The following LUZP2 variants were observed in gnomAD, a reference collection of about 807,000 sequenced individuals.
LUZP2 encodes the protein leucine zipper protein 2.
Under a neutral mutation model 51.6 loss-of-function variants are expected in LUZP2, and 52 were observed. The observed-to-expected ratio is 1.01, with a 90% confidence interval of 0.81 to 1.27. The LOEUF (loss-of-function observed/expected upper bound fraction) is 1.27, where lower values mean the gene tolerates loss of function less well. Ranked by LOEUF, LUZP2 falls within the 50% of genes most tolerant of loss-of-function variation. LUZP2 has a pLI of 0.00. For synonymous variants in LUZP2, 154 were observed against 137.3 expected (o/e 1.12, Z -0.85); for missense variants, 436 against 395.4 (o/e 1.10, Z -0.87).
chr11:24,724,892 T>C (rs1214582089), intron 1 of LUZP2, among the ~76,000 whole-genome samples: 1 of 152,094 alleles, frequency 6.6e-6, no homozygotes, highest in African/African-American at 2.4e-5. Flanking sequence ...GACAATTAAA[T>C]GGAGAAACCC....
intron 1 of LUZP2, among the ~76,000 whole-genome samples, chr11:24,692,448 T>C (rs774321747): frequency 6.6e-6 from 1 of 152,090 alleles, no homozygotes; most frequent in Non-Finnish European, 1.5e-5. Flanking sequence ...GTTAAGCTTT[T>C]CAAACCCAAG....
chr11:24,566,628 A>G (rs1852233212), intron 1 of LUZP2, among the ~76,000 whole-genome samples: 1 of 115,980 alleles, frequency 8.6e-6, no homozygotes, highest in African/African-American at 3.8e-5. Context: ...AGATATACAC[A>G]CACACACACA....
intron 9 of LUZP2, among the ~76,000 whole-genome samples, chr11:25,029,281 T>A (rs768415638): frequency 4.6e-5 from 7 of 152,178 alleles, no homozygotes; most frequent in Non-Finnish European, 1.0e-4. Context: ...GGAACCTTAT[T>A]CTCCATGATG....
intron 7 of LUZP2, among the ~76,000 whole-genome samples, chr11:24,958,322 T>C (rs982914062): frequency 3.9e-4 from 59 of 152,322 alleles, no homozygotes; most frequent in Non-Finnish European, 5.9e-4. Flanking sequence ...CCTGAGGAAT[T>C]GTCACACTGA....
intron 1 of LUZP2, among the ~76,000 whole-genome samples, chr11:24,546,954 TTGTTGTTGTTGGTGGTGG>T (rs1207520114): frequency 1.6e-3 from 197 of 125,756 alleles, no homozygotes; most frequent in South Asian, 4.5e-3. Context: ...GTTGTTGTTG[TTGTTGTTGTTGGTGGTGG>T]TGGTGGTGGT....
chr11:24,553,596 A>G (rs981538874), intron 1 of LUZP2, among the ~76,000 whole-genome samples: 2 of 152,076 alleles, frequency 1.3e-5, no homozygotes, highest in South Asian at 2.1e-4. Flanking sequence ...AATCCATATA[A>G]AGCCACTTCT....
intron 1 of LUZP2, among the ~76,000 whole-genome samples, chr11:24,651,758 A>G (rs1488036430): frequency 6.6e-6 from 1 of 152,088 alleles, no homozygotes; most frequent in African/African-American, 2.4e-5. Flanking sequence ...ATTATTCTCC[A>G]TAATGTGGGT....
intron 3 of LUZP2, among the ~76,000 whole-genome samples, chr11:24,737,830 CCTAT>C (rs1858999897): frequency 6.6e-6 from 1 of 152,042 alleles, no homozygotes; most frequent in Non-Finnish European, 1.5e-5. Context: ...GTAATTTTAT[CCTAT>C]CAGCAAGTCT....
At chr11:25,078,247 C>T (rs906283975) in intron 11 of LUZP2, among the ~76,000 whole-genome samples, 1 of 152,076 alleles carries the variant, frequency 6.6e-6, no homozygotes, top group South Asian at 2.1e-4. Context: ...AATACTAAAA[C>T]GTGGAGTTAG....
chr11:24,760,130 G>A (rs1443257714), intron 4 of LUZP2, among the ~76,000 whole-genome samples: 1 of 152,140 alleles, frequency 6.6e-6, no homozygotes, highest in African/African-American at 2.4e-5. Flanking sequence ...AAGATATTCT[G>A]ATTGGCAATT....
intron 1 of LUZP2, among the ~76,000 whole-genome samples, chr11:24,725,934 A>T (rs934660952): frequency 1.3e-5 from 2 of 151,598 alleles, no homozygotes; most frequent in African/African-American, 4.8e-5. Flanking sequence ...AGGAGAAGAC[A>T]GCCATTTGCA....
chr11:24,675,882 G>T (rs1251038409), intron 1 of LUZP2, among the ~76,000 whole-genome samples: 1 of 151,446 alleles, frequency 6.6e-6, no homozygotes, highest in Non-Finnish European at 1.5e-5. Flanking sequence ...ACAGTGGTGC[G>T]ATCTCGGCTC....
chr11:25,046,616 C>T (rs996502915), intron 9 of LUZP2, among the ~76,000 whole-genome samples: 1 of 152,070 alleles, frequency 6.6e-6, no homozygotes. Context: ...CACTATCTTC[C>T]TTTAAGGAGC....
intron 9 of LUZP2, among the ~76,000 whole-genome samples, chr11:24,986,699 G>C (rs890028351): frequency 6.6e-6 from 1 of 151,462 alleles, no homozygotes; most frequent in African/African-American, 2.4e-5. Context: ...AAACAAAAAG[G>C]CTTGTGTAAT....
In LUZP2 at chr11:24,858,600, C is replaced by T. The variant is rs531575797; in HGVS notation, c.397-47391C>T. Among the ~76,000 whole-genome samples, 18 of 152,090 alleles carry T rather than the reference C, an allele frequency of 1.2e-4. No homozygotes were observed. In the South Asian group the frequency reaches 2.7e-3, roughly 23 times the overall value. On this transcript the variant is annotated intron_variant, in intron 5 of 11. Coordinates refer to ENST00000336930, the MANE Select transcript of LUZP2 (RefSeq NM_001009909.4). The stretch of plus-strand genomic sequence containing the variant: ...ACAATAAAAGAGCTATTGCCAAATG[C>T]AAAGAAACTTAATAATCCATAAAAA...
At chr11:24,664,031 C>A (rs1202859919) in intron 1 of LUZP2, among the ~76,000 whole-genome samples, 1 of 152,004 alleles carries the variant, frequency 6.6e-6, no homozygotes. Flanking sequence ...TAAATTGGTA[C>A]CAGGTAGAAC....
chr11:24,930,736 G>T (rs1445333528), intron 7 of LUZP2, among the ~76,000 whole-genome samples: 1 of 152,112 alleles, frequency 6.6e-6, no homozygotes, highest in Admixed American at 6.6e-5. Context: ...TTTCCCAGGT[G>T]TTCTTTGAGG....
intron 10 of LUZP2, among the ~76,000 whole-genome samples, chr11:25,072,297 G>A (rs2028861): frequency 0.97 from 147,769 of 152,162 alleles, 71,899 homozygotes; most frequent in East Asian, 1. Flanking sequence ...CTCCACTAGA[G>A]TATAACCTCC....
At chr11:24,607,333 T>C (rs11028061) in intron 1 of LUZP2, among the ~76,000 whole-genome samples, 75,473 of 131,902 alleles carry the variant, frequency 0.57, 23,381 homozygotes, top group East Asian at 0.74. Context: ...AAGATGGGGA[T>C]ATTATGTCTT....
Sources: allele counts gnomAD v4.1 joint callset (sites outside exome capture counted in the v4.1 genomes callset), GRCh38; gene constraint gnomAD v4.1.1; transcripts MANE v1.5; gene names NCBI Gene and HGNC (gene_info 2026-07-23, HGNC 2026-07-21).